The following EP300 variants were observed in gnomAD, a reference collection of about 807,000 sequenced individuals.
EP300 encodes the protein EP300 lysine acetyltransferase, also known as histone acetyltransferase p300.
EP300 carries 31 observed loss-of-function variants against 264.0 expected under a neutral mutation model. The observed-to-expected ratio is 0.12, with a 90% CI of 0.09 to 0.16. The LOEUF (loss-of-function observed/expected upper bound fraction) is 0.16, where lower values mean the gene tolerates loss of function less well. Ranked by LOEUF, EP300 falls within the 10% of genes least tolerant of loss-of-function variation. The pLI, the probability that EP300 is intolerant of heterozygous loss-of-function variation, is 1.00. For synonymous variants in EP300, 1,340 were observed against 1,045.4 expected (o/e 1.28, Z -5.44); for missense variants, 2,766 against 3,052.9 (o/e 0.91, Z 2.21).
At chr22:41,147,790 C>T (rs781506517) in intron 11 of EP300, 47 bp from the exon 12 acceptor site, 1 of 1,217,768 alleles carries the variant, frequency 8.2e-7, no homozygotes, top group Non-Finnish European at 1.2e-6. Flanking sequence ...TTTTATTATT[C>T]AATTTCACAA....
At chr22:41,148,385 C>T (rs1160293662) in intron 12 of EP300, among the ~76,000 whole-genome samples, 1 of 152,172 alleles carries the variant, frequency 6.6e-6, no homozygotes, top group Non-Finnish European at 1.5e-5. Flanking sequence ...TGATTCTTGA[C>T]CCTTTTGGGG....
Position 41,134,461 on chromosome 22 carries a change from G to A in EP300, c.1529-1352G>A, listed in dbSNP as rs192181292. 8.6e-4 allele frequency among the ~76,000 whole-genome samples: 131 copies of A among 151,920 alleles called. 1 individual carries two copies. The highest frequency in any genetic ancestry group is 2.9e-3 in the East Asian group (15 of 5,140). On this transcript the variant is annotated intron_variant, in intron 6 of 30. Coordinates refer to ENST00000263253, the MANE Select transcript of EP300 (RefSeq NM_001429.4). ...CACCCAGGCTGGAGTGCAGTAGTGC[G>A]ATCTTGGCCTGCATCCTCTGCCTCC...
At position 41,177,195 on chromosome 22, in the gene EP300, T is replaced by C; in HGVS notation, c.5484T>C (p.Leu1828=). The C allele has an allele frequency of 1.2e-6, 2 of 1,614,048 alleles. No homozygotes were observed. Among genetic ancestry groups the C allele is most frequent in the African/African-American group, 2.7e-5 (2 of 74,980 alleles). Residue 1828 remains leucine, a synonymous_variant, in exon 31 of 31, where the codon CTT becomes CTC. Coordinates refer to ENST00000263253, the MANE Select transcript of EP300 (RefSeq NM_001429.4). ...LQHRLQQAQM[L]RRRMASMQRT... ...ACCGACTACAGCAGGCCCAAATGCT[T>C]CGCAGGAGGATGGCCAGCATGCAGC...
chr22:41,124,113 C>T (rs796780310), intron 2 of EP300, among the ~76,000 whole-genome samples: 5 of 152,270 alleles, frequency 3.3e-5, no homozygotes, highest in South Asian at 2.1e-4. Context: ...CTGAGTATGG[C>T]GGCGCACGCC....
rs1569120260 is a variant in EP300, at chr22:41,176,197, A to T, written c.4780-50A>T. On this transcript the variant is annotated intron_variant, in intron 29 of 30. Transcript: ENST00000263253. ...ATCACGCCACTGCATTCCAGCCTGG[A>T]TGACAGAGCGAGGCCCTGTCTCAAA... The T allele has an allele frequency of 1.9e-6, 3 of 1,605,096 alleles. No homozygotes were observed. In the South Asian group the frequency reaches 3.3e-5, roughly 18 times the overall value.
At chr22:41,103,110 A>G (rs1004533190) in intron 1 of EP300, among the ~76,000 whole-genome samples, 2 of 152,126 alleles carry the variant, frequency 1.3e-5, no homozygotes, top group Non-Finnish European at 2.9e-5. Flanking sequence ...TGGCCTCCCA[A>G]AAGTGCTGGG....
chr22:41,176,080 T>C (rs2059198709), intron 29 of EP300, 167 bp from the exon 30 acceptor site: 4 of 731,696 alleles, frequency 5.5e-6, no homozygotes, highest in Non-Finnish European at 9.1e-6. Context: ...ATTAGCCAGG[T>C]GTGGTGGTGT....
At position 41,137,696 on chromosome 22, in the gene EP300, A is replaced by G. The variant is rs779503787; in HGVS notation, c.1666A>G (p.Met556Val). ...ENASVPSLGP[M>V]PTAAQPSTTG... is the part of the protein sequence containing the mutation. Reference sequence around the variant, plus strand: ...TGCCAGTGTGCCCTCCCTGGGTCCTATGCCAACAGCAGCTCAACCATCCAC... The same window carrying G: ...TGCCAGTGTGCCCTCCCTGGGTCCTGTGCCAACAGCAGCTCAACCATCCAC... Residue 556 changes from methionine to valine, a missense_variant, in exon 8 of 31, where the codon ATG becomes GTG. Physicochemically the swap from Met to Val is conservative, Grantham distance 21. Transcript: ENST00000263253. 124 of 1,614,080 alleles carry G rather than the reference A, an allele frequency of 7.7e-5. 1 individual carries two copies. The East Asian group carries it at 1.4e-3, about 18-fold the overall frequency.
Position 41,117,665 on chromosome 22 carries a change from C to T in EP300, c.573C>T (p.Val191=), listed in dbSNP as rs1304509496. 8.7e-6 allele frequency: 14 copies of T among 1,614,104 alleles called. No homozygotes were observed. Residue 191 remains valine, a synonymous_variant, in exon 2 of 31, where the codon GTC becomes GTT. Transcript: ENST00000263253. ...GNGQGIMPNQ[V]MNGSIGAGRG... ...GACAAGGGATAATGCCTAATCAAGT[C>T]ATGAACGGTTCAATTGGAGCAGGCC...
intron 5 of EP300, among the ~76,000 whole-genome samples, chr22:41,130,533 A>C (rs184024434): frequency 0.018 from 2,741 of 152,118 alleles, 123 homozygotes; most frequent in African/African-American, 0.063. Flanking sequence ...TGTCTTTAAA[A>C]AAAACAAAAC....
rs531823271 is a variant in EP300 at position 41,129,080 on chromosome 22, A to G, written c.1169-810A>G. On this transcript the variant is annotated intron_variant, in intron 4 of 30. Coordinates refer to ENST00000263253, the MANE Select transcript of EP300 (RefSeq NM_001429.4). ...GGCTGGAGTGCAGTGGTGTGATCTC[A>G]GCTCACCGCAAGCTCCGCCTCCTGG... is the stretch of plus-strand genomic sequence containing the variant. Among the ~76,000 whole-genome samples the G allele has an allele frequency of 7.7e-4, 117 of 151,724 alleles. No homozygotes were observed. The East Asian group carries it at 0.021, about 27-fold the overall frequency.
At chr22:41,174,130 G>T (rs1471518889) in intron 29 of EP300, among the ~76,000 whole-genome samples, 2 of 140,230 alleles carry the variant, frequency 1.4e-5, no homozygotes, top group Non-Finnish European at 3.2e-5. Flanking sequence ...AATAAGAAAT[G>T]AATAAAAACA....
chr22:41,151,837 C>T lies in EP300; in HGVS notation c.2822C>T (p.Ser941Phe). The change falls in exon 15 of 31, where the codon TCC (serine) becomes TTC (phenylalanine). Residue 941 changes from serine (S) to phenylalanine (F), a missense_variant. Coordinates refer to ENST00000263253, the MANE Select transcript of EP300 (RefSeq NM_001429.4). ...TTCCCTTTTTTTTCTGCCCAGCTTT[C>T]CCAGCCAGCTGTAAGCATTGAAGGA... ...LLPPQPATPLSQPAVSIEGQV... is the reference protein window; with the variant it reads ...LLPPQPATPLFQPAVSIEGQV... 2 of 1,614,126 alleles carry T rather than the reference C, an allele frequency of 1.2e-6. No homozygotes were observed. Among genetic ancestry groups the T allele is most frequent in the South Asian group, 1.1e-5 (1 of 91,086 alleles).
intron 1 of EP300, among the ~76,000 whole-genome samples, chr22:41,093,634 T>G (rs2058686561): frequency 6.6e-6 from 1 of 152,234 alleles, no homozygotes; most frequent in Non-Finnish European, 1.5e-5. Flanking sequence ...AGTTTAACAA[T>G]TCTTTTATCT....
intron 10 of EP300, among the ~76,000 whole-genome samples, chr22:41,141,974 G>T (rs2058985190): frequency 6.6e-6 from 1 of 152,154 alleles, no homozygotes; most frequent in African/African-American, 2.4e-5. Flanking sequence ...ACCACTCCCT[G>T]CCTAGAAGCA....
intron 6 of EP300, among the ~76,000 whole-genome samples, chr22:41,132,001 G>C (rs1050731179): frequency 3.3e-5 from 5 of 151,964 alleles, no homozygotes; most frequent in African/African-American, 1.2e-4. Flanking sequence ...TTTGAGACCA[G>C]CCTGACCAAC....
At chr22:41,109,287 A>G (rs1489379095) in intron 1 of EP300, among the ~76,000 whole-genome samples, 1 of 151,956 alleles carries the variant, frequency 6.6e-6, no homozygotes, top group Admixed American at 6.6e-5. Flanking sequence ...AACGGAAAAC[A>G]TAAGACAGCA....
rs374221821 is a variant in EP300 at position 41,178,868 on chromosome 22, A to G, written c.7157A>G (p.His2386Arg). 5 of 1,614,082 alleles carry G rather than the reference A, an allele frequency of 3.1e-6. No individual in the cohort carries two copies. The highest frequency in any genetic ancestry group is 2.2e-5 in the East Asian group (1 of 44,894). The change falls in exon 31 of 31, where the codon CAT becomes CGT. Residue 2386 changes from histidine (H) to arginine (R), a missense_variant. His to Arg is a conservative substitution (Grantham distance 29). Transcript: ENST00000263253. ...LASNPGMANL[H>R]GASATDLGLS... ...AGCAATCCAGGCATGGCAAACCTCC[A>G]TGGTGCAAGCGCCACGGACCTGGGA... is the stretch of plus-strand genomic sequence containing the variant.
rs1569107317 is a variant in EP300, at chr22:41,149,857, G to A, written c.2476G>A (p.Ala826Thr). The A allele has an allele frequency of 6.2e-7, 1 of 1,613,922 alleles. No individual in the cohort carries two copies. The highest frequency in any genetic ancestry group is 1.3e-5 in the African/African-American group (1 of 74,922). ...HIHCPQLPQP[A>T]LHQNSPSPVP... The stretch of plus-strand genomic sequence containing the variant: ...TCACTGTCCCCAGCTTCCTCAACCA[G>A]CTCTTCATCAGAATTCACCCTCGCC... Residue 826 changes from alanine to threonine, a missense_variant, in exon 14 of 31, where the codon GCT (alanine) becomes ACT (threonine). By Grantham distance (58) the Ala-to-Thr change is moderately conservative. Transcript: ENST00000263253.
Sources: gnomAD v4.1 joint callset for allele counts (sites outside exome capture counted in the v4.1 genomes callset) on GRCh38, gnomAD v4.1.1 for gene constraint, MANE v1.5 for transcripts, NCBI Gene and HGNC (gene_info 2026-07-23, HGNC 2026-07-21) for gene names.